Variants in THSD7B observed in about 807,000 individuals in gnomAD.
THSD7B encodes thrombospondin type 1 domain containing 7B.
A neutral mutation model predicts 213.6 loss-of-function variants in THSD7B; 138 were observed. The ratio of observed to expected loss-of-function variants is 0.65; its 90% CI spans 0.56 to 0.74. The LOEUF (loss-of-function observed/expected upper bound fraction) is 0.74. THSD7B is among the 30% of genes least tolerant of loss of function. THSD7B has a pLI of 0.00. For missense variants in THSD7B, 1,931 were observed against 1,991.5 expected (o/e 0.97, Z 0.58); for synonymous variants, 742 against 687.0 (o/e 1.08, Z -1.25).
chr2:136,921,424 C>T (rs1288385732), intron 2 of THSD7B, among the ~76,000 whole-genome samples: 1 of 151,324 alleles, frequency 6.6e-6, no homozygotes, highest in South Asian at 2.1e-4. Context: ...CCATTGCAAC[C>T]CACCATACAA....
At chr2:137,093,718 C>A (rs955306955) in intron 3 of THSD7B, among the ~76,000 whole-genome samples, 5 of 152,076 alleles carry the variant, frequency 3.3e-5, no homozygotes, top group African/African-American at 1.2e-4. Context: ...ATTACAAATG[C>A]TTTTATGTTG....
intron 2 of THSD7B, among the ~76,000 whole-genome samples, chr2:136,991,658 G>A (rs906317585): frequency 6.6e-6 from 1 of 152,078 alleles, no homozygotes; most frequent in Admixed American, 6.6e-5. Context: ...TTGTTTGTAC[G>A]CTCTTTCATA....
chr2:136,877,753 G>A (rs1486429744), intron 1 of THSD7B, among the ~76,000 whole-genome samples: 1 of 152,054 alleles, frequency 6.6e-6, no homozygotes, highest in Non-Finnish European at 1.5e-5. Context: ...ACATGGCCCA[G>A]CATACCACCT....
At chr2:136,966,468 C>T (rs1306812347) in intron 2 of THSD7B, among the ~76,000 whole-genome samples, 2 of 152,174 alleles carry the variant, frequency 1.3e-5, no homozygotes, top group African/African-American at 4.8e-5. Context: ...ATGCCCAGCT[C>T]AGCCTCCAAA....
chr2:137,236,604 C>T (rs1477986155), intron 9 of THSD7B, among the ~76,000 whole-genome samples: 3 of 152,166 alleles, frequency 2.0e-5, no homozygotes, highest in Non-Finnish European at 4.4e-5. Context: ...GTACTTTCTG[C>T]TTTTAATGTG....
At chr2:137,468,863 A>G (rs1573643250) in intron 15 of THSD7B, among the ~76,000 whole-genome samples, 2 of 152,274 alleles carry the variant, frequency 1.3e-5, no homozygotes, top group East Asian at 3.9e-4. Context: ...AAGCCCTGTG[A>G]AAGAGAGTAA....
intron 12 of THSD7B, among the ~76,000 whole-genome samples, chr2:137,374,662 A>T (rs1478043134): frequency 6.6e-6 from 1 of 152,220 alleles, no homozygotes; most frequent in Non-Finnish European, 1.5e-5. Context: ...CAAAATAATT[A>T]TGCATAAGTG....
chr2:137,349,316 A>G (rs1431972694), intron 12 of THSD7B, among the ~76,000 whole-genome samples: 2 of 151,776 alleles, frequency 1.3e-5, no homozygotes, highest in Non-Finnish European at 2.9e-5. Context: ...ATGGAATAAA[A>G]TGATCATGAA....
intron 12 of THSD7B, among the ~76,000 whole-genome samples, chr2:137,386,901 A>G (rs1325452711): frequency 1.3e-5 from 2 of 152,226 alleles, no homozygotes; most frequent in African/African-American, 2.4e-5. Context: ...AAAATTAACT[A>G]TGAGACACAC....
At chr2:137,295,360 G>GT (rs1200145463) in intron 12 of THSD7B, among the ~76,000 whole-genome samples, 2 of 151,936 alleles carry the variant, frequency 1.3e-5, no homozygotes, top group Non-Finnish European at 2.9e-5. Flanking sequence ...CTTTGCTTCT[G>GT]TTTTCTTTAT....
chr2:137,264,644 C>G (rs1285216600), intron 10 of THSD7B, among the ~76,000 whole-genome samples: 1 of 152,042 alleles, frequency 6.6e-6, no homozygotes, highest in African/African-American at 2.4e-5. Flanking sequence ...TGCCAAGTCT[C>G]TTCAGTATTA....
At chr2:137,155,105 A>G (rs1679888422) in intron 5 of THSD7B, among the ~76,000 whole-genome samples, 1 of 152,228 alleles carries the variant, frequency 6.6e-6, no homozygotes, top group African/African-American at 2.4e-5. Context: ...TTATAATACT[A>G]TAATATTTTC....
chr2:136,831,668 G>T (rs73957568), intron 1 of THSD7B, among the ~76,000 whole-genome samples: 14,449 of 152,262 alleles, frequency 0.095, 1,228 homozygotes, highest in African/African-American at 0.22. Flanking sequence ...GTTGGTGGAT[G>T]TGCCAAAGGC....
chr2:137,341,804 C>T (rs1323373054), intron 12 of THSD7B, among the ~76,000 whole-genome samples: 1 of 151,660 alleles, frequency 6.6e-6, no homozygotes, highest in African/African-American at 2.4e-5. Flanking sequence ...TATGGACTCT[C>T]TATTTTGTTC....
rs1416461112 is a variant in THSD7B, at chr2:137,276,007, A to G, written c.2481A>G (p.Gly827=). The stretch of plus-strand genomic sequence containing the variant: ...TAACGGGCAGCAGTGAAGCCTGTGG[A>G]AAGGGGTTACAAACAAGAGGTATGA... ...QGITGSSEAC[G]KGLQTRAVSC... is the part of the protein sequence containing the mutation. Residue 827 remains glycine (G), a synonymous_variant, in exon 12 of 28, where the codon GGA becomes GGG. Transcript: ENST00000409968. 3 of 1,611,742 alleles carry G rather than the reference A, an allele frequency of 1.9e-6. No homozygotes were observed. The highest frequency in any genetic ancestry group is 1.7e-6 in the Non-Finnish European group (2 of 1,178,674).
intron 17 of THSD7B, among the ~76,000 whole-genome samples, chr2:137,579,911 G>A (rs1415267377): frequency 6.6e-6 from 1 of 151,800 alleles, no homozygotes; most frequent in Non-Finnish European, 1.5e-5. Flanking sequence ...TGGTATTCCT[G>A]GAAAGAGTTT....
Position 137,478,992 on chromosome 2 carries a change from G to A in THSD7B, c.3138+27969G>A, listed in dbSNP as rs181932945. 2.1e-3 allele frequency among the ~76,000 whole-genome samples: 313 copies of A among 152,274 alleles called. 5 individuals carry two copies. The highest frequency in any genetic ancestry group is 4.6e-4 in the Non-Finnish European group (31 of 68,024). On this transcript the variant is annotated intron_variant, in intron 15 of 27. Transcript: ENST00000409968. Reference sequence around the variant, plus strand: ...CCCAGGGAAGCATATGCATATGCTGGCACTGATGTTGGAAAGTCCAGACAG... The same window carrying A: ...CCCAGGGAAGCATATGCATATGCTGACACTGATGTTGGAAAGTCCAGACAG...
At chr2:136,896,709 AT>A (rs1468186331) in intron 2 of THSD7B, among the ~76,000 whole-genome samples, 3 of 152,074 alleles carry the variant, frequency 2.0e-5, no homozygotes, top group Non-Finnish European at 4.4e-5. Context: ...CTCATTTCAA[AT>A]TAATTTCTTT....
chr2:137,276,443 A>G (rs1034823256), intron 12 of THSD7B, among the ~76,000 whole-genome samples: 1 of 152,118 alleles, frequency 6.6e-6, no homozygotes, highest in African/African-American at 2.4e-5. Flanking sequence ...ACTAATCTTA[A>G]TGATCATAGG....
Sources: allele counts gnomAD v4.1 joint callset (sites outside exome capture counted in the v4.1 genomes callset), GRCh38; gene constraint gnomAD v4.1.1; transcripts MANE v1.5; gene names NCBI Gene and HGNC (gene_info 2026-07-23, HGNC 2026-07-21).